The following ANKRD13C variants were observed in gnomAD, a reference collection of about 807,000 sequenced individuals.
ANKRD13C encodes the protein ankyrin repeat domain 13C, also known as ankyrin repeat domain-containing protein 13C.
In ANKRD13C, 16 loss-of-function variants were observed where a neutral mutation model predicts 65.5. The ratio of observed to expected loss-of-function variants is 0.24; its 90% confidence interval spans 0.17 to 0.37. The LOEUF (loss-of-function observed/expected upper bound fraction) is 0.37, where lower values mean the gene tolerates loss of function less well. Among genes scored for constraint, ANKRD13C ranks in the 10% least tolerant of loss-of-function variants. The pLI is 1.00. For missense variants in ANKRD13C, 503 were observed against 655.9 expected, an observed-to-expected ratio of 0.77 and a Z score of 2.55; for synonymous variants, 235 against 238.7, an observed-to-expected ratio of 0.98 and a Z score of 0.14.
intron 1 of ANKRD13C, among the ~76,000 whole-genome samples, chr1:70,345,377 C>T (rs992282381): frequency 6.6e-6 from 1 of 151,118 alleles, no homozygotes; most frequent in Non-Finnish European, 1.5e-5. Flanking sequence ...TGCGGTGAGC[C>T]GAAATCGCAC....
chr1:70,300,775 T>A lies in ANKRD13C; in HGVS notation c.910A>T (p.Ile304Leu), dbSNP rs775816692. 6.2e-6 allele frequency: 10 copies of A among 1,608,784 alleles called. No individual in the cohort carries two copies. Among genetic ancestry groups the A allele is most frequent in the African/African-American group, 2.7e-5 (2 of 74,622 alleles). ...LDNEQKVYQR[I>L]HHEESEMETE... ...GACAACATGCTCACCTCATGATGTA[T>A]TCGCTGATAAACTTTTTGTTCATTG... Residue 304 changes from isoleucine to leucine, a missense_variant, in exon 7 of 13, where the codon ATA (isoleucine) becomes TTA (leucine). Ile to Leu is a conservative substitution (Grantham distance 5). Transcript: ENST00000370944.
intron 3 of ANKRD13C, among the ~76,000 whole-genome samples, chr1:70,317,774 T>C (rs143208058): frequency 6.6e-6 from 1 of 152,326 alleles, no homozygotes; most frequent in African/African-American, 2.4e-5. Context: ...ATAAATCTTA[T>C]TCAATCTACC....
rs902390637 is a variant in ANKRD13C at position 70,284,296 on chromosome 1, T to G, written c.1216-7452A>C. On this transcript the variant is annotated intron_variant, in intron 9 of 12. Coordinates refer to ENST00000370944, the MANE Select transcript of ANKRD13C (RefSeq NM_030816.5). ...TTATTTTTAAGAATGGAAATTCTAT[T>G]AAAACATGGCTTTAAAATATATAAT... is the stretch of plus-strand genomic sequence containing the variant. Among the ~76,000 whole-genome samples the G allele has an allele frequency of 1.7e-3, 258 of 152,208 alleles. 2 individuals carry two copies. Among genetic ancestry groups the G allele is most frequent in the African/African-American group, 5.5e-3 (230 of 41,580 alleles).
chr1:70,335,861 AG>A (rs1310655311), intron 2 of ANKRD13C, among the ~76,000 whole-genome samples, 196 bp downstream of exon 2: 1 of 151,738 alleles, frequency 6.6e-6, no homozygotes, highest in Non-Finnish European at 1.5e-5. Context: ...AAGTTAGTAC[AG>A]GATTTCCACC....
rs1405897320 is a variant in ANKRD13C, at chr1:70,300,913, G to A, written c.777-5C>T. The A allele has an allele frequency of 1.2e-6, 2 of 1,605,638 alleles. No homozygotes were observed. The highest frequency in any genetic ancestry group is 8.5e-7 in the Non-Finnish European group (1 of 1,177,776). On this transcript the variant is annotated splice_region_variant and splice_polypyrimidine_tract_variant and intron_variant, in intron 6 of 12. Transcript: ENST00000370944. The stretch of plus-strand genomic sequence containing the variant: ...TCTATGAGAGTTGTGTCAAGCCTGT[G>A]AAACATGGGTAGATGATAAACTCTG...
At chr1:70,266,549 T>C (rs1233559623) in intron 12 of ANKRD13C, among the ~76,000 whole-genome samples, 1 of 152,206 alleles carries the variant, frequency 6.6e-6, no homozygotes, top group South Asian at 2.1e-4. Flanking sequence ...TTTAAAATAA[T>C]CTTGCCTATG....
chr1:70,332,757 C>T (rs569217917), intron 2 of ANKRD13C, among the ~76,000 whole-genome samples: 5 of 152,180 alleles, frequency 3.3e-5, no homozygotes, highest in South Asian at 2.1e-4. Context: ...TGAGCCACCA[C>T]GGCTGGCTGA....
chr1:70,311,429 C>T (rs1048645231), intron 5 of ANKRD13C, among the ~76,000 whole-genome samples: 1 of 151,992 alleles, frequency 6.6e-6, no homozygotes, highest in African/African-American at 2.4e-5. Context: ...GAGCTGAGAT[C>T]GCGTGACTGC....
chr1:70,344,894 A>C (rs1682462557), intron 1 of ANKRD13C, among the ~76,000 whole-genome samples: 1 of 152,076 alleles, frequency 6.6e-6, no homozygotes, highest in Non-Finnish European at 1.5e-5. Context: ...GTGTTAATAT[A>C]AAATTTCTTA....
chr1:70,318,170 C>G (rs952018718), intron 3 of ANKRD13C, among the ~76,000 whole-genome samples: 1 of 152,054 alleles, frequency 6.6e-6, no homozygotes, highest in Non-Finnish European at 1.5e-5. Context: ...TACCAGTATC[C>G]TTTTTAGGGA....
chr1:70,352,791 G>GC (rs1209455676), intron 1 of ANKRD13C, among the ~76,000 whole-genome samples: 1 of 152,184 alleles, frequency 6.6e-6, no homozygotes, highest in Non-Finnish European at 1.5e-5. Context: ...AAAACTGGCT[G>GC]CAACTTTAAC....
At chr1:70,290,730 A>AT in intron 9 of ANKRD13C, among the ~76,000 whole-genome samples, 1 of 151,462 alleles carries the variant, frequency 6.6e-6, no homozygotes, top group African/African-American at 2.4e-5. Flanking sequence ...TTAATTTTTT[A>AT]TTTTTTTAGT....
At chr1:70,337,324 G>A (rs916731501) in intron 1 of ANKRD13C, among the ~76,000 whole-genome samples, 1 of 152,226 alleles carries the variant, frequency 6.6e-6, no homozygotes, top group African/African-American at 2.4e-5. Flanking sequence ...GCTCACGCCT[G>A]TAATCCCAGC....
intron 9 of ANKRD13C, among the ~76,000 whole-genome samples, chr1:70,284,555 T>TA (rs1679536323): frequency 6.6e-6 from 1 of 152,126 alleles, no homozygotes; most frequent in Non-Finnish European, 1.5e-5. Context: ...TACCTGAATA[T>TA]ACAGAAAGAA....
chr1:70,269,265 G>T (rs377581220), intron 12 of ANKRD13C, among the ~76,000 whole-genome samples: 1 of 152,042 alleles, frequency 6.6e-6, no homozygotes, highest in South Asian at 2.1e-4. Flanking sequence ...CTACATCAGA[G>T]AAATGCCTGC....
At chr1:70,344,972 A>T (rs543688226) in intron 1 of ANKRD13C, among the ~76,000 whole-genome samples, 35 of 152,280 alleles carry the variant, frequency 2.3e-4, no homozygotes, top group African/African-American at 8.2e-4. Context: ...TTATTTAATT[A>T]AAAATAAAAA....
At chr1:70,353,901 C>G in intron 1 of ANKRD13C, 78 bp downstream of exon 1, 1 of 1,433,432 alleles carries the variant, frequency 7.0e-7, no homozygotes, top group Non-Finnish European at 9.2e-7. Context: ...TGGAGGGGGC[C>G]TAGGATTCCA....
At chr1:70,309,729 A>AC (rs575249446) in intron 5 of ANKRD13C, among the ~76,000 whole-genome samples, 1 of 123,436 alleles carries the variant, frequency 8.1e-6, no homozygotes, top group Non-Finnish European at 1.7e-5. Flanking sequence ...AAAAAAAAAA[A>AC]AAAAATAATA....
At chr1:70,344,305 A>AAAAAAAAAAAAAAAAAAAAAC (rs1682435407) in intron 1 of ANKRD13C, among the ~76,000 whole-genome samples, 1 of 151,336 alleles carries the variant, frequency 6.6e-6, no homozygotes. Context: ...CAAAAAAAAA[A>AAAAAAAAAAAAAAAAAAAAAC]AAAAAAAATT....
Sources: allele counts gnomAD v4.1 joint callset (sites outside exome capture counted in the v4.1 genomes callset), GRCh38; gene constraint gnomAD v4.1.1; transcripts MANE v1.5; gene names NCBI Gene and HGNC (gene_info 2026-07-23, HGNC 2026-07-21).